The following ARID3A variants were observed in gnomAD, a reference collection of about 807,000 sequenced individuals.
ARID3A encodes the protein AT-rich interactive domain-containing protein 3A.
ARID3A carries 11 observed loss-of-function variants against 52.7 expected under a neutral mutation model. The ratio of observed to expected loss-of-function variants is 0.21; its 90% CI spans 0.13 to 0.35. The LOEUF is 0.35. ARID3A is among the 10% of genes least tolerant of loss of function. The probability of loss-of-function intolerance (pLI) is 1.00; values close to 1 mark genes in which losing one functional copy is unlikely to be tolerated. For synonymous variants in ARID3A, 404 were observed against 359.4 expected, an observed-to-expected ratio of 1.12 and a Z score of -1.40; for missense variants, 721 against 838.5, an observed-to-expected ratio of 0.86 and a Z score of 1.73.
chr19:929,949 G>A lies in ARID3A; in HGVS notation c.368+53G>A. 6.5e-7 allele frequency: 1 copy of A among 1,532,902 alleles called. No homozygotes were observed. The highest frequency in any genetic ancestry group is 8.7e-7 in the Non-Finnish European group (1 of 1,144,994). 95.0% of individuals were successfully genotyped at this position (1,532,902 alleles called of 1,614,324 possible). ...CTGGGGGCTGTTACTGGCTCTGAGT[G>A]TCACTCTGCTCATCTGCAGAATGGG... On this transcript the variant is annotated intron_variant, in intron 2 of 8. Transcript: ENST00000263620. The surrounding 1 kb of genome is among the most constrained non-coding windows in gnomAD (Gnocchi z 6.2).
chr19:933,073 G>C (rs561011438), intron 3 of ARID3A, among the ~76,000 whole-genome samples: 2 of 152,200 alleles, frequency 1.3e-5, no homozygotes, highest in Non-Finnish European at 2.9e-5. Flanking sequence ...GCTGGGCTTG[G>C]GTTGGAGGAA....
At position 959,197 on chromosome 19, in the gene ARID3A, G is replaced by T. The variant is rs1269950453; in HGVS notation, c.694-895G>T. On this transcript the variant is annotated intron_variant, in intron 3 of 8. Coordinates refer to ENST00000263620, the MANE Select transcript of ARID3A (RefSeq NM_005224.3). The surrounding 1 kb of genome is among the most constrained non-coding windows in gnomAD (Gnocchi z 5.0). ...GCGGCCACAAGCCCAGGAACCTGGA[G>T]CCCCCAGAAGCCGTGAGAGGCAGGA... Among the ~76,000 whole-genome samples, 1 of 152,216 alleles carries T rather than the reference G, an allele frequency of 6.6e-6. No individual in the cohort carries two copies. Among genetic ancestry groups the T allele is most frequent in the Non-Finnish European group, 1.5e-5 (1 of 68,044 alleles).
At position 939,568 on chromosome 19, in the gene ARID3A, C is replaced by T. The variant is rs2037503970; in HGVS notation, c.693+6826C>T. Among the ~76,000 whole-genome samples the T allele has an allele frequency of 2.0e-5, 3 of 152,272 alleles. No homozygotes were observed. The South Asian group carries it at 6.2e-4, about 32-fold the overall frequency. On this transcript the variant is annotated intron_variant, in intron 3 of 8. Coordinates refer to ENST00000263620, the MANE Select transcript of ARID3A (RefSeq NM_005224.3). ...CAGGCCTTTCTCTGCCCACTCACAC[C>T]CAGGAATGTGACCTGGGAGGTATCT...
At chr19:966,941 T>A in intron 7 of ARID3A, 73 bp downstream of exon 7, 1 of 1,468,098 alleles carries the variant, frequency 6.8e-7, no homozygotes, top group Admixed American at 2.4e-5. Flanking sequence ...AGCCTACATA[T>A]GTAAAGAGTG....
chr19:954,346 C>T (rs886173258), intron 3 of ARID3A, among the ~76,000 whole-genome samples: 1 of 152,208 alleles, frequency 6.6e-6, no homozygotes, highest in Admixed American at 6.5e-5. Context: ...ATTAGGGGTC[C>T]ACACCTTCCA....
Position 931,587 on chromosome 19 carries a change from C to T in ARID3A, c.369-831C>T, listed in dbSNP as rs190660527. Among the ~76,000 whole-genome samples, 1,097 of 151,968 alleles carry T rather than the reference C, an allele frequency of 7.2e-3. 5 individuals are homozygous for T. Among genetic ancestry groups the T allele is most frequent in the African/African-American group, 0.013 (538 of 41,416 alleles). ...CAGCACTTTGGGAGGCCGAGGTGGG[C>T]GGATCACGAGGTCAGGAGATCGAGA... On this transcript the variant is annotated intron_variant, in intron 2 of 8. Coordinates refer to ENST00000263620, the MANE Select transcript of ARID3A (RefSeq NM_005224.3).
At chr19:926,947 C>G (rs1002469708) in intron 1 of ARID3A, among the ~76,000 whole-genome samples, 1 of 151,464 alleles carries the variant, frequency 6.6e-6, no homozygotes, top group Non-Finnish European at 1.5e-5. Flanking sequence ...GGGTTTCTGT[C>G]TTCTTATTTC....
Position 964,201 on chromosome 19 carries a change from T to C in ARID3A, c.767-47T>C. ...GCGGAGGCCAGGACACTCGGCTCCC[T>C]GCAGTGCCCAGGTGGCCCCCAACCT... On this transcript the variant is annotated intron_variant, in intron 4 of 8. Transcript: ENST00000263620. The surrounding 1 kb of genome is among the most constrained non-coding windows in gnomAD (Gnocchi z 5.7). 1 of 1,535,150 alleles carries C rather than the reference T, an allele frequency of 6.5e-7. No individual in the cohort carries two copies. Among genetic ancestry groups the C allele is most frequent in the Non-Finnish European group, 8.9e-7 (1 of 1,121,486 alleles).
rs1056678337 is a variant in ARID3A at position 947,959 on chromosome 19, C to T, written c.694-12133C>T. On this transcript the variant is annotated intron_variant, in intron 3 of 8. Coordinates refer to ENST00000263620, the MANE Select transcript of ARID3A (RefSeq NM_005224.3). The surrounding 1 kb of genome is among the most constrained non-coding windows in gnomAD (Gnocchi z 6.3). Reference sequence around the variant, plus strand: ...CTCGTGGCTTAGGCAGGCGGGGGAGCCCCCCGGCTGGTCAGGTGCACGAGG... The same window carrying T: ...CTCGTGGCTTAGGCAGGCGGGGGAGTCCCCCGGCTGGTCAGGTGCACGAGG... Among the ~76,000 whole-genome samples the T allele has an allele frequency of 8.5e-5, 13 of 152,232 alleles. No individual in the cohort carries two copies. In the East Asian group the frequency reaches 2.3e-3, roughly 27 times the overall value.
In ARID3A at chr19:959,204, G is replaced by A. The variant is rs1035711244; in HGVS notation, c.694-888G>A. ...CAAGCCCAGGAACCTGGAGCCCCCA[G>A]AAGCCGTGAGAGGCAGGAAGGTTCC... On this transcript the variant is annotated intron_variant, in intron 3 of 8. Transcript: ENST00000263620. The surrounding 1 kb of genome is among the most constrained non-coding windows in gnomAD (Gnocchi z 5.0). Among the ~76,000 whole-genome samples the A allele has an allele frequency of 1.3e-5, 2 of 152,238 alleles. No individual in the cohort carries two copies. The highest frequency in any genetic ancestry group is 2.9e-5 in the Non-Finnish European group (2 of 68,038).
intron 2 of ARID3A, 112 bp from the exon 3 acceptor site, chr19:932,306 G>C: frequency 1.3e-6 from 2 of 1,543,116 alleles, no homozygotes; most frequent in Non-Finnish European, 1.7e-6. Flanking sequence ...GCGGCGGCCG[G>C]CTCTTCCTAT....
In ARID3A at chr19:960,198, G is replaced by T; in HGVS notation, c.766+34G>T. 3 of 1,580,446 alleles carry T rather than the reference G, an allele frequency of 1.9e-6. No individual in the cohort carries two copies. The highest frequency in any genetic ancestry group is 1.1e-5 in the South Asian group (1 of 88,380). ...TCTGCCCCCACCCCGCTGGAGGGAG[G>T]TCACAGAAACAGGGCTGTAGGAGGG... On this transcript the variant is annotated intron_variant, in intron 4 of 8. Coordinates refer to ENST00000263620, the MANE Select transcript of ARID3A (RefSeq NM_005224.3). This position sits in a 1 kb window ranked among gnomAD's most constrained non-coding sequence, Gnocchi z 4.3.
Position 966,820 on chromosome 19 carries a change from C to G in ARID3A, c.1447C>G (p.Leu483Val), listed in dbSNP as rs1429188198. 3.7e-6 allele frequency: 6 copies of G among 1,613,440 alleles called. No homozygotes were observed. The highest frequency in any genetic ancestry group is 5.1e-6 in the Non-Finnish European group (6 of 1,179,814). The change falls in exon 7 of 9, where the codon CTG becomes GTG. Residue 483 changes from leucine to valine, a missense_variant. By Grantham distance (32) the Leu-to-Val change is conservative. Transcript: ENST00000263620. ...LMQRALQQNF[L>V]AMAAQLPMSI... ...GCAACGTGCACTCCAGCAGAACTTC[C>G]TGGCCATGGCGGCCCAGCTGCCCAT...
Position 960,060 on chromosome 19 carries a change from C to T in ARID3A, c.694-32C>T. The T allele has an allele frequency of 1.3e-6, 2 of 1,595,926 alleles. No individual in the cohort carries two copies. The highest frequency in any genetic ancestry group is 1.7e-6 in the Non-Finnish European group (2 of 1,166,626). On this transcript the variant is annotated intron_variant, in intron 3 of 8. Transcript: ENST00000263620. The surrounding 1 kb of genome is among the most constrained non-coding windows in gnomAD (Gnocchi z 4.3). ...TGGTTCCCACACCTGAGCTCTGGCA[C>T]CAACTAACCCATCCCCTCTCCACCC... is the stretch of plus-strand genomic sequence containing the variant.
chr19:948,960 C>T (rs898846514), intron 3 of ARID3A, among the ~76,000 whole-genome samples: 4 of 152,136 alleles, frequency 2.6e-5, no homozygotes, highest in Non-Finnish European at 5.9e-5. Flanking sequence ...CCGCCCGCCT[C>T]GGCCTCCCAA....
At chr19:932,303 C>T in intron 2 of ARID3A, 115 bp from the exon 3 acceptor site, 2 of 1,539,244 alleles carry the variant, frequency 1.3e-6, no homozygotes, top group Non-Finnish European at 1.7e-6. Context: ...CTGGCGGCGG[C>T]CGGCTCTTCC....
chr19:943,389 T>C (rs1052213491), intron 3 of ARID3A, among the ~76,000 whole-genome samples: 3 of 150,306 alleles, frequency 2.0e-5, no homozygotes, highest in Admixed American at 1.3e-4. Flanking sequence ...ACCAACATGG[T>C]GAAACCCCGT....
chr19:952,210 C>T (rs1190343276), intron 3 of ARID3A, among the ~76,000 whole-genome samples: 9 of 151,594 alleles, frequency 5.9e-5, no homozygotes, highest in African/African-American at 1.9e-4. Flanking sequence ...TCTGGGAGGC[C>T]GAGGAGGGAG....
At chr19:953,644 G>A (rs1302953783) in intron 3 of ARID3A, among the ~76,000 whole-genome samples, 1 of 152,346 alleles carries the variant, frequency 6.6e-6, no homozygotes, top group Admixed American at 6.5e-5. Flanking sequence ...GCTGAGGGGG[G>A]CTGTGGAGGG....
Sources: allele counts gnomAD v4.1 joint callset (sites outside exome capture counted in the v4.1 genomes callset), GRCh38; gene constraint gnomAD v4.1.1; non-coding constraint Gnocchi (gnomAD v3.1); transcripts MANE v1.5; gene names NCBI Gene and HGNC (gene_info 2026-07-23, HGNC 2026-07-21).